Variants in NIPSNAP2 observed in about 807,000 individuals in gnomAD.
The protein encoded by NIPSNAP2 is protein NipSnap homolog 2.
Under a neutral mutation model 48.4 loss-of-function variants are expected in NIPSNAP2, and 42 were observed. That is an observed-to-expected ratio of 0.87 (90% CI 0.68 to 1.12). NIPSNAP2 has a LOEUF of 1.12. NIPSNAP2 is among the 50% of genes most tolerant of loss of function. NIPSNAP2 has a pLI of 0.00. For synonymous variants in NIPSNAP2, 158 were observed against 126.6 expected (o/e 1.25, Z -1.67); for missense variants, 314 against 347.3 (o/e 0.90, Z 0.76).
Position 55,978,191 on chromosome 7 carries a change from A to C in NIPSNAP2, c.158A>C (p.Lys53Thr). 1 of 1,614,196 alleles carries C rather than the reference A, an allele frequency of 6.2e-7. No homozygotes were observed. Among genetic ancestry groups the C allele is most frequent in the Non-Finnish European group, 8.5e-7 (1 of 1,180,036 alleles). ...DSWLKSLFVR[K>T]VDPRKDAHSN... is the part of the protein sequence containing the mutation. ...TGGCTAAAATCCTTATTTGTCCGGA[A>C]AGTTGATCCAAGAAAAGATGCCCAC... Residue 53 changes from lysine (K) to threonine (T), a missense_variant, in exon 2 of 10, where the codon AAA (lysine) becomes ACA (threonine). By Grantham distance (78) the Lys-to-Thr change is moderately conservative. Coordinates refer to ENST00000322090, the MANE Select transcript of NIPSNAP2 (RefSeq NM_001483.3).
At chr7:55,969,235 G>T (rs919721271) in intron 1 of NIPSNAP2, among the ~76,000 whole-genome samples, 1 of 152,074 alleles carries the variant, frequency 6.6e-6, no homozygotes, top group African/African-American at 2.4e-5. Context: ...TGTGGAAGAC[G>T]GGGTACTGGG....
rs114017041 is a variant in NIPSNAP2, at chr7:55,995,529, C to T, written c.712+541C>T. Among the ~76,000 whole-genome samples, 928 of 152,322 alleles carry T rather than the reference C, an allele frequency of 6.1e-3. 11 individuals carry two copies. Among genetic ancestry groups the T allele is most frequent in the African/African-American group, 0.021 (870 of 41,562 alleles). On this transcript the variant is annotated intron_variant, in intron 8 of 9. Coordinates refer to ENST00000322090, the MANE Select transcript of NIPSNAP2 (RefSeq NM_001483.3). ...CCCAGTAGTGAACATCATCACTCCT[C>T]CTGAGCCCCCAGAGCCTTGTGTGGT...
At chr7:55,997,758 A>T (rs1217802763) in intron 9 of NIPSNAP2, among the ~76,000 whole-genome samples, 1 of 152,202 alleles carries the variant, frequency 6.6e-6, no homozygotes, top group African/African-American at 2.4e-5. Flanking sequence ...TATTACACAA[A>T]TAAAATTTTT....
chr7:55,978,709 G>T, intron 3 of NIPSNAP2: 1 of 283,548 alleles, frequency 3.5e-6, no homozygotes, highest in Non-Finnish European at 6.6e-6. Context: ...AGACCTTCCT[G>T]ACTGCCTGTC....
chr7:55,968,091 C>A (rs904422313), intron 1 of NIPSNAP2, among the ~76,000 whole-genome samples: 4 of 152,134 alleles, frequency 2.6e-5, no homozygotes, highest in South Asian at 2.1e-4. Context: ...TGCCCAGCCA[C>A]ACGTCTAAAG....
At chr7:55,965,137 C>T (rs1344178885) in intron 1 of NIPSNAP2, 2 of 152,340 alleles carry the variant, frequency 1.3e-5, no homozygotes, top group East Asian at 1.9e-4. Context: ...ACGTTGGTGA[C>T]CCTGGTCTCT....
chr7:55,998,392 G>T (rs747310926), intron 9 of NIPSNAP2, among the ~76,000 whole-genome samples: 5 of 149,500 alleles, frequency 3.3e-5, no homozygotes, highest in Non-Finnish European at 5.9e-5. Context: ...AATTGTATTT[G>T]ATTTTGCTGC....
In NIPSNAP2 at chr7:55,986,783, A is replaced by G. The variant is rs139795701; in HGVS notation, c.617+1905A>G. 2.6e-5 allele frequency among the ~76,000 whole-genome samples: 4 copies of G among 152,264 alleles called. No individual in the cohort carries two copies. In the East Asian group the frequency reaches 7.7e-4, roughly 29 times the overall value. On this transcript the variant is annotated intron_variant, in intron 7 of 9. Coordinates refer to ENST00000322090, the MANE Select transcript of NIPSNAP2 (RefSeq NM_001483.3). ...GTCTGATAAGCAAATTGAATTCAGA[A>G]TAGATAAATAATTCTTACAACTCAA...
At chr7:55,987,204 T>C (rs1787348665) in intron 7 of NIPSNAP2, among the ~76,000 whole-genome samples, 1 of 152,128 alleles carries the variant, frequency 6.6e-6, no homozygotes, top group Non-Finnish European at 1.5e-5. Flanking sequence ...GCAGTCCCAC[T>C]TCTGGATATA....
At chr7:55,978,946 T>C (rs1198948369) in intron 3 of NIPSNAP2, 1 of 152,638 alleles carries the variant, frequency 6.6e-6, no homozygotes, top group African/African-American at 2.4e-5. Flanking sequence ...TTGTAAACTT[T>C]AAGACGAAAG....
chr7:55,999,125 T>A lies in NIPSNAP2; in HGVS notation c.*53T>A. ...ACATTTCTGTGACAAGTATTTGTCG[T>A]AAATTAATTTTAATTGTGTATCAAG... On this transcript the variant is annotated 3_prime_UTR_variant, in exon 10 of 10. Transcript: ENST00000322090. 1 of 1,426,690 alleles carries A rather than the reference T, an allele frequency of 7.0e-7. No homozygotes were observed. The highest frequency in any genetic ancestry group is 9.8e-7 in the Non-Finnish European group (1 of 1,015,618). 88.4% of individuals were successfully genotyped at this position (1,426,690 alleles called of 1,614,324 possible).
intron 6 of NIPSNAP2, 66 bp from the exon 7 acceptor site, chr7:55,984,781 G>T: frequency 7.7e-7 from 1 of 1,302,946 alleles, no homozygotes; most frequent in South Asian, 1.3e-5. Flanking sequence ...TTCTACTGCT[G>T]TTTGCTATTT....
intron 1 of NIPSNAP2, among the ~76,000 whole-genome samples, chr7:55,965,499 C>A (rs868553237): frequency 1.3e-5 from 2 of 152,052 alleles, no homozygotes; most frequent in Admixed American, 6.6e-5. Context: ...GTTTAAATTA[C>A]CTAAGGAACT....
chr7:55,978,536 G>C (rs932301902), intron 3 of NIPSNAP2, 141 bp downstream of exon 3: 71 of 774,184 alleles, frequency 9.2e-5, no homozygotes, highest in Non-Finnish European at 2.2e-5. Context: ...CTTAAACTGA[G>C]CTTCATGTGG....
chr7:55,977,970 T>G (rs1336617509), intron 1 of NIPSNAP2, among the ~76,000 whole-genome samples, 156 bp from the exon 2 acceptor site: 5 of 152,258 alleles, frequency 3.3e-5, no homozygotes, highest in Non-Finnish European at 7.3e-5. Context: ...TGCTTCTGCT[T>G]CTTGGAGTGC....
intron 3 of NIPSNAP2, chr7:55,980,178 A>G (rs1787184719): frequency 4.9e-6 from 1 of 204,210 alleles, no homozygotes; most frequent in Non-Finnish European, 1.0e-5. Context: ...ATTTCTGAAC[A>G]TTCATGAGTC....
intron 9 of NIPSNAP2, among the ~76,000 whole-genome samples, chr7:55,998,125 G>T (rs1218163293): frequency 6.6e-6 from 1 of 151,980 alleles, no homozygotes; most frequent in Admixed American, 6.6e-5. Context: ...TTCGAGACCA[G>T]CCTGACGAAC....
chr7:55,981,255 T>G, intron 3 of NIPSNAP2: 1 of 391,600 alleles, frequency 2.6e-6, no homozygotes, highest in Non-Finnish European at 4.7e-6. Flanking sequence ...TTCTAGATAG[T>G]TGGGGTATCA....
At position 55,982,215 on chromosome 7, in the gene NIPSNAP2, C is replaced by G. The variant is rs1787229312; in HGVS notation, c.379C>G (p.Leu127Val). The G allele has an allele frequency of 1.9e-6, 3 of 1,602,546 alleles. No individual in the cohort carries two copies. The highest frequency in any genetic ancestry group is 2.6e-6 in the Non-Finnish European group (3 of 1,170,016). The stretch of plus-strand genomic sequence containing the variant: ...TCTTTTAAAATGCATTTCAGTCCAC[C>G]TCTGGAGGTATGAAGGAGGCTATCC... ...WYGEQDQAVH[L>V]WRYEGGYPAL... The change falls in exon 5 of 10, where the codon CTC becomes GTC. Residue 127 changes from leucine to valine, a missense_variant. By Grantham distance (32) the Leu-to-Val change is conservative. Coordinates refer to ENST00000322090, the MANE Select transcript of NIPSNAP2 (RefSeq NM_001483.3).
Sources: allele counts gnomAD v4.1 joint callset (sites outside exome capture counted in the v4.1 genomes callset), GRCh38; gene constraint gnomAD v4.1.1; transcripts MANE v1.5; gene names NCBI Gene and HGNC (gene_info 2026-07-23, HGNC 2026-07-21).